Variants in OPCML observed in about 807,000 individuals in gnomAD.
OPCML encodes the protein opioid-binding protein/cell adhesion molecule.
OPCML carries 13 observed loss-of-function variants against 37.8 expected under a neutral mutation model. The ratio of observed to expected loss-of-function variants is 0.34; its 90% confidence interval spans 0.22 to 0.55. OPCML has a LOEUF of 0.55. Among genes scored for constraint, OPCML ranks in the 20% least tolerant of loss-of-function variants. The pLI, the probability that OPCML is intolerant of heterozygous loss-of-function variation, is 0.91. For synonymous variants in OPCML, 176 were observed against 168.8 expected (o/e 1.04, Z -0.33); for missense variants, 341 against 435.6 (o/e 0.78, Z 1.93).
At chr11:133,295,276 A>G (rs367881508) in intron 1 of OPCML, among the ~76,000 whole-genome samples, 5 of 152,344 alleles carry the variant, frequency 3.3e-5, no homozygotes, top group African/African-American at 1.2e-4. Context: ...AAGAATCTAC[A>G]CTTTTCCAAG....
intron 1 of OPCML, among the ~76,000 whole-genome samples, chr11:133,407,581 C>G (rs1308417187): frequency 1.3e-5 from 2 of 152,126 alleles, no homozygotes; most frequent in Admixed American, 6.5e-5. Flanking sequence ...GGTGAGCTCC[C>G]TGCTGCAAAA....
At chr11:132,494,740 T>A (rs2096226020) in intron 4 of OPCML, among the ~76,000 whole-genome samples, 1 of 152,262 alleles carries the variant, frequency 6.6e-6, no homozygotes, top group African/African-American at 2.4e-5. Flanking sequence ...TAATATTTTT[T>A]AAAAAACAAA....
intron 1 of OPCML, among the ~76,000 whole-genome samples, chr11:133,382,225 C>T (rs1474215194): frequency 6.6e-6 from 1 of 152,216 alleles, no homozygotes; most frequent in African/African-American, 2.4e-5. Context: ...CAAGCTCTGG[C>T]CTCCAATTAA....
intron 1 of OPCML, among the ~76,000 whole-genome samples, chr11:133,236,529 A>G (rs1940524789): frequency 6.6e-6 from 1 of 152,210 alleles, no homozygotes; most frequent in South Asian, 2.1e-4. Context: ...TCCCCGTCTA[A>G]TTAGGAATAA....
intron 1 of OPCML, among the ~76,000 whole-genome samples, chr11:133,038,192 T>C (rs970262191): frequency 1.2e-4 from 18 of 152,238 alleles, no homozygotes; most frequent in Non-Finnish European, 2.1e-4. Context: ...CCCTGGGCGC[T>C]GGCCCTGTCT....
chr11:133,524,603 T>G (rs1229244706), intron 1 of OPCML, among the ~76,000 whole-genome samples: 1 of 152,216 alleles, frequency 6.6e-6, no homozygotes, highest in East Asian at 1.9e-4. Context: ...CCCACATCTG[T>G]GTTTACGGAA....
intron 2 of OPCML, among the ~76,000 whole-genome samples, chr11:132,706,635 CCT>C (rs1252151442): frequency 6.6e-6 from 1 of 152,108 alleles, no homozygotes; most frequent in Non-Finnish European, 1.5e-5. Flanking sequence ...ATTATGCGAG[CCT>C]CTCCTCTAAC....
At chr11:132,890,492 C>A (rs980478741) in intron 2 of OPCML, among the ~76,000 whole-genome samples, 4 of 151,840 alleles carry the variant, frequency 2.6e-5, no homozygotes, top group African/African-American at 9.7e-5. Flanking sequence ...AACTTTTACA[C>A]AGAATAATTT....
At chr11:132,600,839 CTTTTTTTTTTTTT>C (rs145586468) in intron 3 of OPCML, among the ~76,000 whole-genome samples, 1 of 94,534 alleles carries the variant, frequency 1.1e-5, no homozygotes, top group Admixed American at 1.5e-4. Flanking sequence ...AAATAGTTAA[CTTTTTTTTTTTTT>C]TTTTTTTTTT....
At chr11:133,317,970 T>C (rs1189644352) in intron 1 of OPCML, among the ~76,000 whole-genome samples, 1 of 152,136 alleles carries the variant, frequency 6.6e-6, no homozygotes, top group Non-Finnish European at 1.5e-5. Flanking sequence ...CATTTATGCC[T>C]CAGAACTACA....
At chr11:132,783,916 A>G (rs1209131397) in intron 2 of OPCML, among the ~76,000 whole-genome samples, 5 of 152,174 alleles carry the variant, frequency 3.3e-5, no homozygotes, top group Admixed American at 3.3e-4. Flanking sequence ...CAACTTTATT[A>G]CTTTTAGGTG....
intron 2 of OPCML, among the ~76,000 whole-genome samples, chr11:132,865,461 G>T (rs927587892): frequency 6.6e-5 from 10 of 152,198 alleles, no homozygotes; most frequent in African/African-American, 2.4e-4. Flanking sequence ...CAGCCCAACA[G>T]AGGAAACACG....
intron 2 of OPCML, among the ~76,000 whole-genome samples, chr11:132,678,471 C>G (rs1007424915): frequency 3.9e-5 from 6 of 152,180 alleles, no homozygotes; most frequent in African/African-American, 1.4e-4. Flanking sequence ...TTATTCATAA[C>G]TACCTAAATT....
At chr11:133,000,726 GA>G in intron 1 of OPCML, among the ~76,000 whole-genome samples, 1 of 152,110 alleles carries the variant, frequency 6.6e-6, no homozygotes, top group East Asian at 1.9e-4. Context: ...ATGTTCCTGG[GA>G]AAAAAATAAT....
chr11:132,900,371 T>C (rs117594260), intron 2 of OPCML, among the ~76,000 whole-genome samples: 10,523 of 152,162 alleles, frequency 0.069, 462 homozygotes, highest in Middle Eastern at 0.14. Flanking sequence ...AATCTGTGTG[T>C]GTTTCTCCAT....
chr11:132,480,076 A>G (rs906421315), intron 4 of OPCML, among the ~76,000 whole-genome samples: 3 of 152,214 alleles, frequency 2.0e-5, no homozygotes, highest in Non-Finnish European at 4.4e-5. Context: ...ACTCTGAGCT[A>G]CAGGAGGACA....
intron 2 of OPCML, among the ~76,000 whole-genome samples, chr11:132,792,366 C>T (rs1937973713): frequency 6.6e-6 from 1 of 151,990 alleles, no homozygotes; most frequent in Non-Finnish European, 1.5e-5. Flanking sequence ...ATTGTAAATA[C>T]TTCATTATGT....
At chr11:132,837,744 T>C (rs1941098890) in intron 2 of OPCML, among the ~76,000 whole-genome samples, 1 of 152,092 alleles carries the variant, frequency 6.6e-6, no homozygotes, top group Non-Finnish European at 1.5e-5. Context: ...GGAAGACAAG[T>C]AGGCGTCCAT....
intron 1 of OPCML, among the ~76,000 whole-genome samples, chr11:133,265,739 C>G (rs779075449): frequency 6.6e-6 from 1 of 152,110 alleles, no homozygotes. Context: ...GCTGCCGGCG[C>G]TCCTCCCAGG....
Sources: gnomAD v4.1 joint callset for allele counts (sites outside exome capture counted in the v4.1 genomes callset) on GRCh38, gnomAD v4.1.1 for gene constraint, MANE v1.5 for transcripts, NCBI Gene and HGNC (gene_info 2026-07-23, HGNC 2026-07-21) for gene names.